The following TCEA1 variants were observed in gnomAD, a reference collection of about 807,000 sequenced individuals.
TCEA1 encodes the protein transcription elongation factor A protein 1.
In TCEA1, 21 loss-of-function variants were observed where a neutral mutation model predicts 43.8. That is an observed-to-expected ratio of 0.48 (90% CI 0.34 to 0.69). The LOEUF is 0.69. Ranked by LOEUF, TCEA1 falls within the 30% of genes least tolerant of loss-of-function variation. The pLI is 0.01. For missense variants in TCEA1, 250 were observed against 365.1 expected, an observed-to-expected ratio of 0.68 and a Z score of 2.57; for synonymous variants, 104 against 117.5, an observed-to-expected ratio of 0.88 and a Z score of 0.75.
At chr8:54,013,995 C>T (rs1160302334) in intron 1 of TCEA1, among the ~76,000 whole-genome samples, 1 of 152,202 alleles carries the variant, frequency 6.6e-6, no homozygotes, top group Non-Finnish European at 1.5e-5. Flanking sequence ...CCAAGCTCTA[C>T]TGTACTGGGG....
At chr8:53,975,214 C>T (rs932713216) in intron 8 of TCEA1, among the ~76,000 whole-genome samples, 1 of 152,118 alleles carries the variant, frequency 6.6e-6, no homozygotes, top group Non-Finnish European at 1.5e-5. Context: ...ATAGTTTTTA[C>T]AGTACTTAAT....
chr8:53,987,589 C>T (rs1015687789), intron 5 of TCEA1, among the ~76,000 whole-genome samples: 3 of 152,116 alleles, frequency 2.0e-5, no homozygotes, highest in Non-Finnish European at 2.9e-5. Flanking sequence ...AGGATGAATT[C>T]GTATAAAATA....
At chr8:53,988,765 A>C (rs141962518) in intron 4 of TCEA1, among the ~76,000 whole-genome samples, 236 of 152,178 alleles carry the variant, frequency 1.6e-3, no homozygotes, top group African/African-American at 5.4e-3. Flanking sequence ...GAGAGAGAGA[A>C]TGCTTGAAAA....
intron 9 of TCEA1, 45 bp downstream of exon 9, chr8:53,970,347 T>C (rs539023664): frequency 3.6e-5 from 47 of 1,303,176 alleles, no homozygotes; most frequent in Admixed American, 3.1e-4. Context: ...AAGAAATCTT[T>C]CTATTTTAAG....
At chr8:53,985,472 G>A in intron 6 of TCEA1, among the ~76,000 whole-genome samples, 1 of 152,076 alleles carries the variant, frequency 6.6e-6, no homozygotes, top group East Asian at 1.9e-4. Context: ...ATTCTACTAA[G>A]GATCCTAAAG....
At chr8:53,980,153 C>T (rs796443015) in intron 7 of TCEA1, among the ~76,000 whole-genome samples, 5 of 152,254 alleles carry the variant, frequency 3.3e-5, no homozygotes, top group African/African-American at 1.2e-4. Context: ...AAACTTACAA[C>T]GAGTACCTCT....
At chr8:53,989,997 A>G (rs1322255661) in intron 4 of TCEA1, among the ~76,000 whole-genome samples, 1 of 152,160 alleles carries the variant, frequency 6.6e-6, no homozygotes, top group African/African-American at 2.4e-5. Flanking sequence ...GGAGTTCAAG[A>G]ACAGCCCGGA....
At chr8:54,014,642 A>T (rs1248054114) in intron 1 of TCEA1, among the ~76,000 whole-genome samples, 2 of 152,208 alleles carry the variant, frequency 1.3e-5, no homozygotes, top group African/African-American at 4.8e-5. Flanking sequence ...GTAATAGAAA[A>T]CAAGTGATTT....
At chr8:54,002,339 C>T (rs1350467081) in intron 2 of TCEA1, among the ~76,000 whole-genome samples, 2 of 150,142 alleles carry the variant, frequency 1.3e-5, no homozygotes, top group African/African-American at 2.5e-5. Context: ...CATGGTGGCA[C>T]GCACCTGTAG....
chr8:53,999,174 G>A (rs552819459), intron 3 of TCEA1, among the ~76,000 whole-genome samples: 7 of 142,250 alleles, frequency 4.9e-5, no homozygotes, highest in East Asian at 2.1e-4. Flanking sequence ...GCAGTGAGCC[G>A]AGATTGCACC....
chr8:53,979,222 T>A, intron 7 of TCEA1, 51 bp from the exon 8 acceptor site: 1 of 1,498,530 alleles, frequency 6.7e-7, no homozygotes, highest in Non-Finnish European at 9.0e-7. Context: ...TCTATATATA[T>A]CCTGAATGCT....
chr8:53,973,837 C>T (rs370778498), intron 8 of TCEA1: 8 of 376,802 alleles, frequency 2.1e-5, no homozygotes, highest in South Asian at 5.6e-5. Context: ...GAGGAGAAAG[C>T]CTGGCAAAGA....
intron 4 of TCEA1, among the ~76,000 whole-genome samples, chr8:53,989,504 G>A (rs1456646903): frequency 6.6e-6 from 1 of 152,132 alleles, no homozygotes. Flanking sequence ...TGGGTCAGAC[G>A]GACATTAGTA....
chr8:53,991,392 C>CAA (rs113196578), intron 4 of TCEA1, among the ~76,000 whole-genome samples: 1 of 130,336 alleles, frequency 7.7e-6, no homozygotes. Context: ...GACTCCGTCT[C>CAA]AAAAAAAAAA....
At chr8:53,989,910 C>A (rs762394012) in intron 4 of TCEA1, among the ~76,000 whole-genome samples, 15 of 152,156 alleles carry the variant, frequency 9.9e-5, no homozygotes, top group Non-Finnish European at 1.8e-4. Flanking sequence ...ACTAGGACTA[C>A]AGGTGCATGC....
At chr8:53,998,435 T>A (rs1363815777) in intron 3 of TCEA1, among the ~76,000 whole-genome samples, 1 of 152,140 alleles carries the variant, frequency 6.6e-6, no homozygotes, top group Admixed American at 6.5e-5. Flanking sequence ...CTTTCTTCTA[T>A]AGGAAATGAC....
intron 8 of TCEA1, chr8:53,971,884 G>T: frequency 5.3e-6 from 1 of 188,678 alleles, no homozygotes; most frequent in Non-Finnish European, 1.1e-5. Context: ...ATAATTCTGA[G>T]AGAATTAAAA....
intron 1 of TCEA1, among the ~76,000 whole-genome samples, chr8:54,018,908 A>G (rs1460783933): frequency 6.6e-6 from 1 of 152,242 alleles, no homozygotes; most frequent in Non-Finnish European, 1.5e-5. Context: ...CTGTAGCTTA[A>G]GAGAGGAGTA....
intron 3 of TCEA1, chr8:53,999,657 C>A: frequency 3.1e-6 from 1 of 321,766 alleles, no homozygotes; most frequent in Non-Finnish European, 5.6e-6. Context: ...TTTCAAAAAC[C>A]ATTTCAAAAG....
Sources: gnomAD v4.1 joint callset for allele counts (sites outside exome capture counted in the v4.1 genomes callset) on GRCh38, gnomAD v4.1.1 for gene constraint, MANE v1.5 for transcripts, NCBI Gene and HGNC (gene_info 2026-07-23, HGNC 2026-07-21) for gene names.